MAP3K3: variants seen among roughly 807,000 people sequenced by gnomAD.
MAP3K3 encodes the protein mitogen-activated protein kinase kinase kinase 3.
Under a neutral mutation model 80.9 loss-of-function variants are expected in MAP3K3, and 12 were observed. That is an observed-to-expected ratio of 0.15 (90% CI 0.10 to 0.24). The LOEUF is 0.24. Ranked by LOEUF, MAP3K3 falls within the 10% of genes least tolerant of loss-of-function variation. MAP3K3 has a pLI of 1.00. For synonymous variants in MAP3K3, 272 were observed against 307.1 expected, an observed-to-expected ratio of 0.89 and a Z score of 1.19; for missense variants, 596 against 834.7, an observed-to-expected ratio of 0.71 and a Z score of 3.52.
At chr17:63,638,096 A>C (rs1206674850) in intron 2 of MAP3K3, among the ~76,000 whole-genome samples, 1 of 152,212 alleles carries the variant, frequency 6.6e-6, no homozygotes, top group Non-Finnish European at 1.5e-5. Flanking sequence ...CCAGTTTGAA[A>C]ATAAGATATA....
In MAP3K3 at chr17:63,622,681, C is replaced by T. The variant is rs976050228; in HGVS notation, c.-79C>T. ...GAGCCAGGCCCGCTGCCGTCCCCGC[C>T]GCCCGGGCCCCCGGCATGCAGCCCC... On this transcript the variant is annotated 5_prime_UTR_variant, in exon 1 of 16. Transcript: ENST00000361733. 25 of 400,590 alleles carry T rather than the reference C, an allele frequency of 6.2e-5. No homozygotes were observed. Among genetic ancestry groups the T allele is most frequent in the Middle Eastern group, 5.9e-4 (1 of 1,708 alleles). The allele number at this position is 400,590 out of a possible 1,614,324, so 24.8% of individuals were successfully genotyped here.
chr17:63,633,179 GAT>G (rs1482954822), intron 2 of MAP3K3, among the ~76,000 whole-genome samples: 2 of 150,460 alleles, frequency 1.3e-5, no homozygotes, highest in African/African-American at 4.9e-5. Context: ...AGTGAGCCGA[GAT>G]AGCACCACTG....
At chr17:63,664,349 A>T (rs2143443627) in intron 5 of MAP3K3, among the ~76,000 whole-genome samples, 1 of 152,196 alleles carries the variant, frequency 6.6e-6, no homozygotes, top group East Asian at 1.9e-4. Context: ...TATCATAACT[A>T]TCATGGTCTT....
intron 2 of MAP3K3, 136 bp from the exon 3 acceptor site, chr17:63,645,898 G>T: frequency 1.5e-6 from 1 of 685,900 alleles, no homozygotes; most frequent in South Asian, 1.6e-5. Context: ...TGCCCATCTG[G>T]GAAGAGAAGC....
intron 3 of MAP3K3, 68 bp downstream of exon 3, chr17:63,646,142 TG>T: frequency 1.4e-6 from 2 of 1,400,516 alleles, no homozygotes; most frequent in Non-Finnish European, 2.0e-6. Context: ...ATTGAGTTCA[TG>T]GAAGTCATTC....
At chr17:63,690,189 C>G in intron 11 of MAP3K3, 75 bp from the exon 12 acceptor site, 1 of 1,513,122 alleles carries the variant, frequency 6.6e-7, no homozygotes, top group Admixed American at 1.8e-5. Flanking sequence ...AGCCAGAGAC[C>G]CTGTTCCTGG....
At chr17:63,647,726 G>C (rs956462667) in intron 3 of MAP3K3, among the ~76,000 whole-genome samples, 6 of 152,142 alleles carry the variant, frequency 3.9e-5, no homozygotes, top group Non-Finnish European at 8.8e-5. Flanking sequence ...TATAAAGTTG[G>C]TGCAGGGAAG....
chr17:63,641,724 G>A (rs1240520555), intron 2 of MAP3K3, among the ~76,000 whole-genome samples: 1 of 152,108 alleles, frequency 6.6e-6, no homozygotes, highest in Non-Finnish European at 1.5e-5. Flanking sequence ...CAGTGATTGG[G>A]GCTACATATA....
At chr17:63,658,721 G>C (rs963121038) in intron 5 of MAP3K3, among the ~76,000 whole-genome samples, 3 of 148,506 alleles carry the variant, frequency 2.0e-5, no homozygotes, top group African/African-American at 7.5e-5. Context: ...TGCTCATGCT[G>C]ACCATTTCTT....
At chr17:63,664,013 C>T (rs1266355542) in intron 5 of MAP3K3, among the ~76,000 whole-genome samples, 1 of 151,758 alleles carries the variant, frequency 6.6e-6, no homozygotes, top group Non-Finnish European at 1.5e-5. Flanking sequence ...GAGGCCGAGG[C>T]GGGCGGATCA....
chr17:63,637,419 T>C (rs2034352423), intron 2 of MAP3K3, among the ~76,000 whole-genome samples: 1 of 152,206 alleles, frequency 6.6e-6, no homozygotes, highest in African/African-American at 2.4e-5. Context: ...CATGTATAAG[T>C]CATATAACCT....
At chr17:63,675,811 T>G (rs1185525907) in intron 6 of MAP3K3, among the ~76,000 whole-genome samples, 1 of 152,236 alleles carries the variant, frequency 6.6e-6, no homozygotes, top group Non-Finnish European at 1.5e-5. Context: ...CTGTGACCCC[T>G]GCCTATGCAG....
In MAP3K3 at chr17:63,691,702, GGGGAC is replaced by G. The variant is rs1182687345; in HGVS notation, c.1345-30_1345-26del. ...TGCCCCTCCACCAGCCCTCCCCTGA[GGGGAC>G]TCCTCTGACTTCTTGTGGCCTCCAG... On this transcript the variant is annotated intron_variant, in intron 13 of 15. Transcript: ENST00000361733. The surrounding 1 kb of genome is among the most constrained non-coding windows in gnomAD (Gnocchi z 4.8). The G allele has an allele frequency of 6.9e-6, 11 of 1,605,724 alleles. No individual in the cohort carries two copies. The Admixed American group carries it at 8.4e-5, about 12-fold the overall frequency.
Position 63,667,038 on chromosome 17 carries a change from C to G in MAP3K3, c.480C>G (p.Pro160=). The G allele has an allele frequency of 1.2e-6, 2 of 1,610,116 alleles. No homozygotes were observed. The highest frequency in any genetic ancestry group is 1.7e-6 in the Non-Finnish European group (2 of 1,179,130). ...DINTIYQPPE[P]RSRHLSVSSQ... ...ATACTATCTACCAGCCCCCCGAGCC[C>G]AGAAGCAGGCACCTCTCTGTCAGTG... The change falls in exon 6 of 16, where the codon CCC becomes CCG. Residue 160 remains proline (P), a synonymous_variant. Transcript: ENST00000361733.
At chr17:63,662,185 T>C (rs2143425551) in intron 5 of MAP3K3, among the ~76,000 whole-genome samples, 1 of 149,444 alleles carries the variant, frequency 6.7e-6, no homozygotes, top group Non-Finnish European at 1.5e-5. Context: ...GCAGGCAGAT[T>C]ACTTGAGCCT....
intron 7 of MAP3K3, among the ~76,000 whole-genome samples, chr17:63,683,146 A>T (rs963884821): frequency 6.6e-6 from 1 of 152,238 alleles, no homozygotes; most frequent in Non-Finnish European, 1.5e-5. Flanking sequence ...GTCCAACAGA[A>T]GGGCCTGTGC....
intron 2 of MAP3K3, among the ~76,000 whole-genome samples, chr17:63,637,769 G>A (rs1276866099): frequency 6.6e-6 from 1 of 152,174 alleles, no homozygotes; most frequent in Admixed American, 6.5e-5. Flanking sequence ...GGAAGAAATG[G>A]AATCCTTATT....
At chr17:63,657,150 A>G (rs759979177) in intron 4 of MAP3K3, among the ~76,000 whole-genome samples, 7 of 151,946 alleles carry the variant, frequency 4.6e-5, no homozygotes, top group Non-Finnish European at 1.0e-4. Context: ...TGCTTGTTCT[A>G]TTAATGTCAG....
intron 6 of MAP3K3, 127 bp from the exon 7 acceptor site, chr17:63,681,639 C>A: frequency 1.3e-6 from 1 of 792,498 alleles, no homozygotes; most frequent in Non-Finnish European, 1.8e-6. Context: ...ACATGCTGGA[C>A]GTTGGTGCCA....
Sources: allele counts gnomAD v4.1 joint callset (sites outside exome capture counted in the v4.1 genomes callset), GRCh38; gene constraint gnomAD v4.1.1; non-coding constraint Gnocchi (gnomAD v3.1); transcripts MANE v1.5; gene names NCBI Gene and HGNC (gene_info 2026-07-23, HGNC 2026-07-21).